The following BCOR variants were observed in gnomAD, a reference collection of about 807,000 sequenced individuals.
The protein encoded by BCOR is BCL6 corepressor.
In BCOR, 10 loss-of-function variants were observed where a neutral mutation model predicts 86.7. The observed-to-expected ratio is 0.12, with a 90% CI of 0.07 to 0.20. The LOEUF (loss-of-function observed/expected upper bound fraction) is 0.20, where lower values mean the gene tolerates loss of function less well. Among genes scored for constraint, BCOR ranks in the 10% least tolerant of loss-of-function variants. BCOR has a pLI of 1.00. For synonymous variants in BCOR, 611 were observed against 609.0 expected, an observed-to-expected ratio of 1.00 and a Z score of -0.05; for missense variants, 1,259 against 1,452.1, an observed-to-expected ratio of 0.87 and a Z score of 2.16.
chrX:40,167,219 C>T (rs896721715), intron 1 of BCOR, among the ~76,000 whole-genome samples: 5 of 112,907 alleles, frequency 4.4e-5, no homozygotes, highest in Non-Finnish European at 7.5e-5. Context: ...AAAACCTCAA[C>T]GTTTGCTTTC....
At chrX:40,162,123 A>G (rs1325021494) in intron 1 of BCOR, among the ~76,000 whole-genome samples, 1 of 112,030 alleles carries the variant, frequency 8.9e-6, no homozygotes. Flanking sequence ...GGCTTGGTCC[A>G]GTCTTAGGCT....
At chrX:40,158,093 G>T (rs1938333096) in intron 1 of BCOR, among the ~76,000 whole-genome samples, 1 of 112,196 alleles carries the variant, frequency 8.9e-6, no homozygotes, top group African/African-American at 3.2e-5. Context: ...GTCCCCGCTG[G>T]TCCCCTGTCC....
At chrX:40,174,108 G>GCA (rs1263637831) in intron 1 of BCOR, among the ~76,000 whole-genome samples, 1 of 113,056 alleles carries the variant, frequency 8.8e-6, no homozygotes. Flanking sequence ...AATTCATTAG[G>GCA]TGAGGCTGCC....
intron 1 of BCOR, among the ~76,000 whole-genome samples, chrX:40,143,905 C>T (rs1437945212): frequency 4.4e-5 from 5 of 112,554 alleles, no homozygotes; most frequent in African/African-American, 1.3e-4. Context: ...TGCAGTGAGT[C>T]GAGATCGGGC....
At chrX:40,115,294 C>A (rs1418459157) in intron 1 of BCOR, among the ~76,000 whole-genome samples, 1 of 112,202 alleles carries the variant, frequency 8.9e-6, no homozygotes, top group Non-Finnish European at 1.9e-5. Context: ...CCAGATCCTA[C>A]ATAGCTTCTG....
chrX:40,140,892 C>T (rs750043094), intron 1 of BCOR, among the ~76,000 whole-genome samples: 1 of 113,092 alleles, frequency 8.8e-6, no homozygotes, highest in East Asian at 2.8e-4. Context: ...AAACAGTGAC[C>T]GAGTGTCCAC....
At chrX:40,055,908 G>A (rs900852398) in intron 11 of BCOR, among the ~76,000 whole-genome samples, 1 of 109,754 alleles carries the variant, frequency 9.1e-6, no homozygotes, top group Non-Finnish European at 1.9e-5. Flanking sequence ...CTGCAGCCTC[G>A]ATCTCCTGGG....
intron 10 of BCOR, among the ~76,000 whole-genome samples, chrX:40,060,190 T>C (rs1411083431): frequency 8.9e-6 from 1 of 112,614 alleles, no homozygotes; most frequent in Non-Finnish European, 1.9e-5. Context: ...CATCCTAACA[T>C]TTTAATTTCT....
intron 1 of BCOR, among the ~76,000 whole-genome samples, chrX:40,115,251 A>C (rs897650176): frequency 6.3e-5 from 7 of 111,742 alleles, no homozygotes; most frequent in African/African-American, 2.3e-4. Flanking sequence ...ATGCATATGC[A>C]CTGTTTCCCC....
chrX:40,069,314 C>T (rs971404613), intron 6 of BCOR, among the ~76,000 whole-genome samples: 9 of 112,057 alleles, frequency 8.0e-5, no homozygotes, highest in African/African-American at 2.3e-4. Flanking sequence ...AGGAGCACTA[C>T]GTGGTGACTT....
chrX:40,106,838 G>C (rs1937197033), intron 1 of BCOR, among the ~76,000 whole-genome samples: 2 of 110,758 alleles, frequency 1.8e-5, no homozygotes, highest in South Asian at 7.9e-4. Context: ...AACTTCTCTC[G>C]CTGGGTTCTC....
intron 1 of BCOR, among the ~76,000 whole-genome samples, chrX:40,160,515 C>CAA (rs774697720): frequency 0.11 from 6,561 of 60,331 alleles, 931 homozygotes; most frequent in African/African-American, 0.34. Context: ...GACCCTGTCT[C>CAA]AAAAAAAAAA....
chrX:40,126,561 G>A (rs1402961386), intron 1 of BCOR, among the ~76,000 whole-genome samples: 1 of 107,993 alleles, frequency 9.3e-6, no homozygotes, highest in Admixed American at 1.0e-4. Flanking sequence ...AAAAAACCAC[G>A]AAAACAACAA....
intron 1 of BCOR, among the ~76,000 whole-genome samples, chrX:40,154,171 G>C (rs1036156223): frequency 8.9e-6 from 1 of 112,612 alleles, no homozygotes; most frequent in East Asian, 2.8e-4. Flanking sequence ...CATGGCTCTG[G>C]GTTTCCGTGT....
chrX:40,174,774 G>A (rs934349602), intron 1 of BCOR, among the ~76,000 whole-genome samples: 3 of 112,760 alleles, frequency 2.7e-5, no homozygotes, highest in African/African-American at 9.7e-5. Context: ...GCTCAGCCCC[G>A]CACCTCCTGA....
intron 7 of BCOR, 32 bp downstream of exon 7, chrX:40,064,304 C>G (rs374241083): frequency 1.2e-4 from 145 of 1,210,643 alleles, no homozygotes; most frequent in Non-Finnish European, 1.5e-4. Flanking sequence ...AGGCCCACCC[C>G]CCGGCAGGCG....
intron 1 of BCOR, among the ~76,000 whole-genome samples, chrX:40,095,822 T>C (rs1048467293): frequency 2.0e-5 from 2 of 101,596 alleles, no homozygotes; most frequent in Non-Finnish European, 4.0e-5. Flanking sequence ...TCGCGGACTT[T>C]CTGGAAAAGA....
Position 40,071,069 on chromosome X carries a change from G to C in BCOR, c.3142C>G (p.Pro1048Ala), listed in dbSNP as rs1279828641. Residue 1048 changes from proline (P) to alanine (A), a missense_variant, in exon 6 of 15, where the codon CCA becomes GCA. Around this residue, in one of 7 missense-constraint regions of BCOR, gnomAD observed 56 missense variants for 106.6 expected, o/e 0.53. Transcript: ENST00000378444. ...TKDSEMCKFS[P>A]ADWERLKGNQ... Reference sequence around the variant, plus strand: ...CCTTTCAACCTTTCCCAGTCGGCTGGGCTGAATTTGCACATCTCGGAGTCT... The same window carrying C: ...CCTTTCAACCTTTCCCAGTCGGCTGCGCTGAATTTGCACATCTCGGAGTCT... The C allele has an allele frequency of 8.3e-7, 1 of 1,210,991 alleles. No homozygotes were observed. Among genetic ancestry groups the C allele is most frequent in the Admixed American group, 2.2e-5 (1 of 45,997 alleles).
intron 1 of BCOR, among the ~76,000 whole-genome samples, chrX:40,091,190 A>AT (rs1936594161): frequency 9.0e-6 from 1 of 111,491 alleles, no homozygotes; most frequent in Non-Finnish European, 1.9e-5. Flanking sequence ...CCGGTCTTTA[A>AT]TTTTAGCAGG....
Sources: allele counts gnomAD v4.1 joint callset (sites outside exome capture counted in the v4.1 genomes callset), GRCh38; gene constraint gnomAD v4.1.1; regional missense constraint gnomAD v4.1.1; transcripts MANE v1.5; gene names NCBI Gene and HGNC (gene_info 2026-07-23, HGNC 2026-07-21).